Variants in PRDM16 observed in about 807,000 individuals in gnomAD.
PRDM16 encodes PR/SET domain 16, also known as histone-lysine N-methyltransferase PRDM16.
In PRDM16, 23 loss-of-function variants were observed where a neutral mutation model predicts 110.6. The observed-to-expected ratio is 0.21, with a 90% CI of 0.15 to 0.29. The LOEUF is 0.29. PRDM16 is among the 10% of genes least tolerant of loss of function. The probability of loss-of-function intolerance (pLI) is 1.00; values close to 1 mark genes in which losing one functional copy is unlikely to be tolerated. For synonymous variants in PRDM16, 799 were observed against 781.8 expected, an observed-to-expected ratio of 1.02 and a Z score of -0.37; for missense variants, 1,615 against 1,794.3, an observed-to-expected ratio of 0.90 and a Z score of 1.81.
At chr1:3,181,361 G>A (rs1644175720) in intron 1 of PRDM16, among the ~76,000 whole-genome samples, 1 of 30,214 alleles carries the variant, frequency 3.3e-5, no homozygotes, top group African/African-American at 1.0e-4. Context: ...CTTACACACG[G>A]TCTTACACAC....
Position 3,175,453 on chromosome 1 carries a change from T to C in PRDM16, c.38-10672T>C, listed in dbSNP as rs1210869208. Among the ~76,000 whole-genome samples, 2 of 152,146 alleles carry C rather than the reference T, an allele frequency of 1.3e-5. No homozygotes were observed. The highest frequency in any genetic ancestry group is 6.5e-5 in the Admixed American group (1 of 15,282). Reference sequence around the variant, plus strand: ...TGCCTGATGCGCCCACCTCTCCCTCTCCCTGTTTTGTTCAGGGGGCAGGAT... The same window carrying C: ...TGCCTGATGCGCCCACCTCTCCCTCCCCCTGTTTTGTTCAGGGGGCAGGAT... On this transcript the variant is annotated intron_variant, in intron 1 of 16. Coordinates refer to ENST00000270722, the MANE Select transcript of PRDM16 (RefSeq NM_022114.4). The surrounding 1 kb of genome is among the most constrained non-coding windows in gnomAD (Gnocchi z 4.8).
intron 1 of PRDM16, among the ~76,000 whole-genome samples, chr1:3,124,813 G>T (rs1643170457): frequency 1.3e-5 from 2 of 152,184 alleles, no homozygotes; most frequent in South Asian, 4.1e-4. Context: ...GGGTCAGGGT[G>T]GGAACATGCC....
intron 2 of PRDM16, among the ~76,000 whole-genome samples, chr1:3,219,185 G>C (rs1639097771): frequency 6.6e-6 from 1 of 152,244 alleles, no homozygotes; most frequent in South Asian, 2.1e-4. Context: ...CCGACAAACG[G>C]CTCCCTCGGC....
At chr1:3,415,262 CAG>C (rs913340772) in intron 10 of PRDM16, among the ~76,000 whole-genome samples, 5 of 152,218 alleles carry the variant, frequency 3.3e-5, no homozygotes, top group African/African-American at 1.2e-4. Context: ...ATGGCCAGGG[CAG>C]AGTCTTCCCG....
At chr1:3,276,659 C>T (rs1640589283) in intron 3 of PRDM16, among the ~76,000 whole-genome samples, 1 of 1,894 alleles carries the variant, frequency 5.3e-4, no homozygotes, top group Admixed American at 4.7e-3. Context: ...TCGTCGGCCC[C>T]AGCCAGCTCG....
intron 1 of PRDM16, among the ~76,000 whole-genome samples, chr1:3,172,618 A>T (rs907603723): frequency 6.6e-6 from 1 of 152,250 alleles, no homozygotes; most frequent in Non-Finnish European, 1.5e-5. Context: ...AGCCCTCAAA[A>T]GGAAGGAAAC....
At chr1:3,373,436 G>A (rs1239467298) in intron 3 of PRDM16, among the ~76,000 whole-genome samples, 1 of 152,198 alleles carries the variant, frequency 6.6e-6, no homozygotes, top group Non-Finnish European at 1.5e-5. Context: ...GGTTCGGGGG[G>A]AAGTCCCAGG....
rs1644165910 is a variant in PRDM16, at chr1:3,181,218, GCAGTCTTACACACGGTCTTACACA to G, written c.38-4892_38-4869del. Among the ~76,000 whole-genome samples the G allele has an allele frequency of 1.4e-4, 7 of 50,426 alleles. No homozygotes were observed. The South Asian group carries it at 3.8e-3, about 28-fold the overall frequency. The allele number at this position is 50,426 out of a possible 152,430, so 33.1% of individuals were successfully genotyped here. Reference sequence around the variant, plus strand: ...CGGTCTTACACACGGTCTTACACACGCAGTCTTACACACGGTCTTACACACAGTCTTACACACGCAGTCTTACAC... The same window carrying G: ...CGGTCTTACACACGGTCTTACACACGCAGTCTTACACACGCAGTCTTACAC... On this transcript the variant is annotated intron_variant, in intron 1 of 16. Transcript: ENST00000270722.
At chr1:3,212,052 G>A (rs192975419) in intron 2 of PRDM16, among the ~76,000 whole-genome samples, 10 of 152,310 alleles carry the variant, frequency 6.6e-5, no homozygotes, top group East Asian at 1.9e-4. Flanking sequence ...CGTCAGTTTG[G>A]GAGTGACAGT....
intron 1 of PRDM16, among the ~76,000 whole-genome samples, chr1:3,184,667 T>C (rs1468575714): frequency 2.0e-5 from 3 of 152,064 alleles, no homozygotes; most frequent in African/African-American, 7.2e-5. Context: ...CCCTCTCTAG[T>C]TTCCAAACAC....
rs569033023 is a variant in PRDM16, at chr1:3,335,111, G to T, written c.439-50041G>T. On this transcript the variant is annotated intron_variant, in intron 3 of 16. Transcript: ENST00000270722. ...CTTCAGGAGGGTGGGCGCCCTGAGA[G>T]AACTCGCTTCAAGGCCCCTGTCCCT... Among the ~76,000 whole-genome samples, 21 of 152,344 alleles carry T rather than the reference G, an allele frequency of 1.4e-4. No individual in the cohort carries two copies. In the South Asian group the frequency reaches 4.3e-3, roughly 32 times the overall value.
intron 1 of PRDM16, among the ~76,000 whole-genome samples, chr1:3,119,286 G>A (rs1038488857): frequency 9.9e-5 from 15 of 152,234 alleles, no homozygotes; most frequent in African/African-American, 3.6e-4. Flanking sequence ...GGCCGGTGCC[G>A]TGGACATTCT....
intron 2 of PRDM16, among the ~76,000 whole-genome samples, chr1:3,230,699 G>A (rs984915268): frequency 2.0e-5 from 3 of 152,248 alleles, no homozygotes; most frequent in African/African-American, 7.2e-5. Context: ...AGGCAGGACA[G>A]CTGTCCCCAG....
chr1:3,437,268 A>G lies in PRDM16; in HGVS notation c.*3457A>G, dbSNP rs1638933414. The G allele has an allele frequency of 8.6e-6, 2 of 232,884 alleles. No homozygotes were observed. Among genetic ancestry groups the G allele is most frequent in the Non-Finnish European group, 8.5e-6 (1 of 117,814 alleles). The allele number at this position is 232,884 out of a possible 1,614,324, so 14.4% of individuals were successfully genotyped here. ...GACTGGCCAAGACCTCCACGTCCCC[A>G]GAGTCCAGCCCTGGAAATTCCAAGG... On this transcript the variant is annotated 3_prime_UTR_variant, in exon 17 of 17. Coordinates refer to ENST00000270722, the MANE Select transcript of PRDM16 (RefSeq NM_022114.4).
intron 2 of PRDM16, among the ~76,000 whole-genome samples, chr1:3,223,697 C>A (rs2100870400): frequency 6.6e-6 from 1 of 152,312 alleles, no homozygotes; most frequent in East Asian, 1.9e-4. Flanking sequence ...TAGGAACTAA[C>A]TTCTCAGTCA....
At chr1:3,195,216 C>T (rs188246937) in intron 2 of PRDM16, among the ~76,000 whole-genome samples, 5 of 152,298 alleles carry the variant, frequency 3.3e-5, no homozygotes, top group East Asian at 1.9e-4. Flanking sequence ...CGGGAGAAGC[C>T]GGCAGTGCCG....
intron 1 of PRDM16, among the ~76,000 whole-genome samples, chr1:3,103,078 T>A (rs1348036942): frequency 6.6e-6 from 1 of 152,228 alleles, no homozygotes; most frequent in Non-Finnish European, 1.5e-5. Flanking sequence ...CCTCTACTAC[T>A]GCTGGACCTG....
chr1:3,213,802 G>A lies in PRDM16; in HGVS notation c.387+27328G>A, dbSNP rs1638956838. Among the ~76,000 whole-genome samples the A allele has an allele frequency of 6.6e-6, 1 of 152,120 alleles. No individual in the cohort carries two copies. Among genetic ancestry groups the A allele is most frequent in the Admixed American group, 6.5e-5 (1 of 15,282 alleles). On this transcript the variant is annotated intron_variant, in intron 2 of 16. Transcript: ENST00000270722. This position sits in a 1 kb window ranked among gnomAD's most constrained non-coding sequence, Gnocchi z 5.3. Reference sequence around the variant, plus strand: ...ACAAACAAGGTCAGCCAGGGCCGTAGACCAAGGACTCCCGAGGCCAAGCCG... The same window carrying A: ...ACAAACAAGGTCAGCCAGGGCCGTAAACCAAGGACTCCCGAGGCCAAGCCG...
chr1:3,223,458 G>A (rs1202224574), intron 2 of PRDM16, among the ~76,000 whole-genome samples: 1 of 152,124 alleles, frequency 6.6e-6, no homozygotes, highest in Non-Finnish European at 1.5e-5. Flanking sequence ...CCTCACACAG[G>A]TGCTGACCCC....
Sources: allele counts gnomAD v4.1 joint callset (sites outside exome capture counted in the v4.1 genomes callset), GRCh38; gene constraint gnomAD v4.1.1; non-coding constraint Gnocchi (gnomAD v3.1); transcripts MANE v1.5; gene names NCBI Gene and HGNC (gene_info 2026-07-23, HGNC 2026-07-21).